The following MGMT variants were observed in gnomAD, a reference collection of about 807,000 sequenced individuals.
MGMT encodes O-6-methylguanine-DNA methyltransferase.
In MGMT, 14 loss-of-function variants were observed where a neutral mutation model predicts 15.9. That is an observed-to-expected ratio of 0.88 (90% CI 0.58 to 1.37). The LOEUF (loss-of-function observed/expected upper bound fraction) is 1.37, where lower values mean the gene tolerates loss of function less well. Among genes scored for constraint, MGMT ranks in the 40% most tolerant of loss-of-function variants. The pLI, the probability that MGMT is intolerant of heterozygous loss-of-function variation, is 0.00. For missense variants in MGMT, 282 were observed against 268.1 expected (o/e 1.05, Z -0.36); for synonymous variants, 130 against 118.2 (o/e 1.10, Z -0.65).
At chr10:129,484,180 G>A (rs965070688) in intron 1 of MGMT, among the ~76,000 whole-genome samples, 3 of 152,094 alleles carry the variant, frequency 2.0e-5, no homozygotes, top group Non-Finnish European at 4.4e-5. Flanking sequence ...TTTTTCATCA[G>A]ATTTGAGGAA....
At chr10:129,654,610 G>A (rs1459978736) in intron 2 of MGMT, among the ~76,000 whole-genome samples, 1 of 152,048 alleles carries the variant, frequency 6.6e-6, no homozygotes, top group Non-Finnish European at 1.5e-5. Flanking sequence ...GGGCTGTGAG[G>A]GACCTGCTGC....
chr10:129,585,065 C>T (rs1016477085), intron 2 of MGMT, among the ~76,000 whole-genome samples: 3 of 152,166 alleles, frequency 2.0e-5, no homozygotes, highest in East Asian at 1.9e-4. Flanking sequence ...TTTTCTAATA[C>T]AGCTGCCCCA....
At chr10:129,759,090 T>C (rs1848840135) in intron 3 of MGMT, 112 bp from the exon 4 acceptor site, 2 of 1,339,030 alleles carry the variant, frequency 1.5e-6, no homozygotes, top group African/African-American at 2.9e-5. Flanking sequence ...TAATTGAGTA[T>C]AATACCTCTA....
intron 2 of MGMT, among the ~76,000 whole-genome samples, chr10:129,670,240 A>G (rs1847706790): frequency 6.6e-6 from 1 of 152,188 alleles, no homozygotes; most frequent in African/African-American, 2.4e-5. Flanking sequence ...TAACATTTTC[A>G]TAAGTTTTTC....
intron 2 of MGMT, among the ~76,000 whole-genome samples, chr10:129,690,134 A>T (rs968407127): frequency 3.9e-5 from 6 of 152,206 alleles, no homozygotes; most frequent in Admixed American, 2.0e-4. Context: ...ATCAAAACAG[A>T]CACGCAGTAG....
intron 3 of MGMT, among the ~76,000 whole-genome samples, chr10:129,756,427 G>GA (rs1367264750): frequency 1.3e-5 from 2 of 152,208 alleles, no homozygotes; most frequent in Non-Finnish European, 2.9e-5. Flanking sequence ...GCCCTCTGGG[G>GA]AGGCCCATGG....
chr10:129,597,083 C>T (rs998869541), intron 2 of MGMT, among the ~76,000 whole-genome samples: 11 of 152,112 alleles, frequency 7.2e-5, no homozygotes, highest in South Asian at 6.2e-4. Context: ...GAAGATTCTG[C>T]GCAACAAACT....
At chr10:129,586,054 T>C (rs1233967726) in intron 2 of MGMT, among the ~76,000 whole-genome samples, 2 of 152,098 alleles carry the variant, frequency 1.3e-5, no homozygotes, top group South Asian at 2.1e-4. Context: ...AGAGGGATGA[T>C]TCGTGTCTCA....
At chr10:129,520,484 T>TGGTTCAGGTGCAGAGCCCCTAC (rs1845791453) in intron 1 of MGMT, among the ~76,000 whole-genome samples, 8 of 105,848 alleles carry the variant, frequency 7.6e-5, no homozygotes. Context: ...AGAGCCCCTA[T>TGGTTCAGGTGCAGAGCCCCTAC]GGTGCAGGTG....
chr10:129,680,375 G>T (rs1440989281), intron 2 of MGMT, among the ~76,000 whole-genome samples: 1 of 152,260 alleles, frequency 6.6e-6, no homozygotes, highest in Middle Eastern at 3.4e-3. Flanking sequence ...CCTTTCCAGC[G>T]CTGCAGTGGG....
chr10:129,744,066 G>A (rs1848667021), intron 3 of MGMT, among the ~76,000 whole-genome samples: 1 of 152,244 alleles, frequency 6.6e-6, no homozygotes, highest in Non-Finnish European at 1.5e-5. Context: ...GCCTGTGCTT[G>A]TTCAGCCTCA....
chr10:129,755,091 A>G (rs1417980855), intron 3 of MGMT, among the ~76,000 whole-genome samples: 2 of 152,210 alleles, frequency 1.3e-5, no homozygotes, highest in Admixed American at 6.5e-5. Context: ...GCCAACTACT[A>G]CTGACTCTTC....
Position 129,566,420 on chromosome 10 carries a change from T to A in MGMT, c.125+30043T>A, listed in dbSNP as rs530438730. Among the ~76,000 whole-genome samples, 1 of 152,252 alleles carries A rather than the reference T, an allele frequency of 6.6e-6. No individual in the cohort carries two copies. The highest frequency in any genetic ancestry group is 2.1e-4 in the South Asian group (1 of 4,816). On this transcript the variant is annotated intron_variant, in intron 2 of 4. Coordinates refer to ENST00000651593, the MANE Select transcript of MGMT (RefSeq NM_002412.5). The surrounding 1 kb of genome is among the most constrained non-coding windows in gnomAD (Gnocchi z 4.1). ...ATGTGGCCTTAGTGCTCTGGGCGGA[T>A]GTACCTTGGCTCTGCCTGGACCCTC...
At chr10:129,699,350 A>G (rs1266484412) in intron 2 of MGMT, among the ~76,000 whole-genome samples, 2 of 151,970 alleles carry the variant, frequency 1.3e-5, no homozygotes, top group Non-Finnish European at 2.9e-5. Flanking sequence ...TGTTCTCTGT[A>G]TTTTTGGTGG....
chr10:129,487,946 C>T (rs796937190), intron 1 of MGMT, among the ~76,000 whole-genome samples: 33 of 114,346 alleles, frequency 2.9e-4, no homozygotes, highest in East Asian at 1.5e-3. Flanking sequence ...TATATATATA[C>T]ACACACAAAC....
chr10:129,577,786 C>A (rs1021742007), intron 2 of MGMT, among the ~76,000 whole-genome samples: 1 of 152,076 alleles, frequency 6.6e-6, no homozygotes, highest in Admixed American at 6.5e-5. Context: ...CAACCTACTC[C>A]TCTGGCAAAG....
intron 3 of MGMT, among the ~76,000 whole-genome samples, chr10:129,740,612 G>C (rs80093770): frequency 6.6e-6 from 1 of 152,194 alleles, no homozygotes; most frequent in Admixed American, 6.5e-5. Flanking sequence ...ACGGAGGGGC[G>C]ACAGGACAGC....
rs761914374 is a variant in MGMT at position 129,691,465 on chromosome 10, G to T, written c.126-16430G>T. Among the ~76,000 whole-genome samples, 6 of 152,364 alleles carry T rather than the reference G, an allele frequency of 3.9e-5. No homozygotes were observed. The South Asian group carries it at 6.2e-4, about 16-fold the overall frequency. On this transcript the variant is annotated intron_variant, in intron 2 of 4. Transcript: ENST00000651593. ...TGTGCACCTGGGCAGTGCAGGCATC[G>T]CGAGTAAGAAGAGGGTGTTAGCTCG...
intron 3 of MGMT, among the ~76,000 whole-genome samples, chr10:129,730,041 G>A (rs1273215564): frequency 2.6e-5 from 4 of 152,170 alleles, no homozygotes; most frequent in Non-Finnish European, 4.4e-5. Flanking sequence ...TAGAAGCAGC[G>A]TGAAGTGTCT....
Sources: allele counts gnomAD v4.1 joint callset (sites outside exome capture counted in the v4.1 genomes callset), GRCh38; gene constraint gnomAD v4.1.1; non-coding constraint Gnocchi (gnomAD v3.1); transcripts MANE v1.5; gene names NCBI Gene and HGNC (gene_info 2026-07-23, HGNC 2026-07-21).